Variants in ARID1A observed in about 807,000 individuals in gnomAD.
ARID1A encodes the protein AT-rich interaction domain 1A.
ARID1A carries 20 observed loss-of-function variants against 212.6 expected under a neutral mutation model. The ratio of observed to expected loss-of-function variants is 0.09; its 90% CI spans 0.07 to 0.14. The LOEUF (loss-of-function observed/expected upper bound fraction) is 0.14, where lower values mean the gene tolerates loss of function less well. Among genes scored for constraint, ARID1A ranks in the 10% least tolerant of loss-of-function variants. ARID1A has a pLI of 1.00. For synonymous variants in ARID1A, 1,376 were observed against 1,222.1 expected (o/e 1.13, Z -2.63); for missense variants, 2,587 against 3,059.0 (o/e 0.85, Z 3.64).
At position 26,779,515 on chromosome 1, in the gene ARID1A, C is replaced by G. The variant is rs1190429858; in HGVS notation, c.5617C>G (p.Pro1873Ala). 1.2e-6 allele frequency: 2 copies of G among 1,614,018 alleles called. No homozygotes were observed. The highest frequency in any genetic ancestry group is 1.7e-6 in the Non-Finnish European group (2 of 1,180,036). ...TELLPSRPHA[P>A]CPPAPRKHVT... ...GCTGCTGCCTTCCCGGCCTCACGCA[C>G]CCTGCCCACCAGCCCCTCGGAAGCA... The change falls in exon 20 of 20, where the codon CCC becomes GCC. Residue 1873 changes from proline (P) to alanine (A), a missense_variant. Coordinates refer to ENST00000324856, the MANE Select transcript of ARID1A (RefSeq NM_006015.6).
chr1:26,710,004 G>C (rs2080434886), intron 1 of ARID1A, among the ~76,000 whole-genome samples: 1 of 150,948 alleles, frequency 6.6e-6, no homozygotes, highest in Admixed American at 6.6e-5. Context: ...GCTAATTTTT[G>C]TATTTTTAGT....
chr1:26,703,351 C>T (rs776817003), intron 1 of ARID1A, among the ~76,000 whole-genome samples: 1 of 152,184 alleles, frequency 6.6e-6, no homozygotes, highest in Non-Finnish European at 1.5e-5. Context: ...AGCTGTCTGT[C>T]TGTGGTCCTC....
rs757461100 is a variant in ARID1A, at chr1:26,774,764, A to G, written c.4537A>G (p.Ser1513Gly). The change falls in exon 18 of 20, where the codon AGC (serine) becomes GGC (glycine). Residue 1513 changes from serine to glycine, a missense_variant. Transcript: ENST00000324856. This position sits in a 1 kb window ranked among gnomAD's most constrained non-coding sequence, Gnocchi z 5.6. ...DMTYNYANRQ[S>G]TGSAPQGPAY... ...GACCTATAATTATGCCAACAGGCAG[A>G]GCACGGGCTCTGCCCCCCAGGGCCC... 1.9e-6 allele frequency: 3 copies of G among 1,614,252 alleles called. No homozygotes were observed. The highest frequency in any genetic ancestry group is 2.5e-6 in the Non-Finnish European group (3 of 1,180,046).
Position 26,771,908 on chromosome 1 carries a change from T to C in ARID1A, c.3406+582T>C, listed in dbSNP as rs1333908913. On this transcript the variant is annotated intron_variant, in intron 12 of 19. Coordinates refer to ENST00000324856, the MANE Select transcript of ARID1A (RefSeq NM_006015.6). The surrounding 1 kb of genome is among the most constrained non-coding windows in gnomAD (Gnocchi z 5.4). ...GCCCTGGTGTTGACCTCTGAGGGTG[T>C]AATGAGTGCCTGAGATGACTCATCA... The C allele has an allele frequency of 2.4e-5, 4 of 163,352 alleles. No homozygotes were observed. Among genetic ancestry groups the C allele is most frequent in the African/African-American group, 9.6e-5 (4 of 41,524 alleles). The allele number at this position is 163,352 out of a possible 1,614,324, so 10.1% of individuals were successfully genotyped here.
intron 1 of ARID1A, among the ~76,000 whole-genome samples, chr1:26,699,783 C>T (rs2080314707): frequency 1.3e-5 from 2 of 152,218 alleles, no homozygotes; most frequent in South Asian, 4.1e-4. Context: ...GGTAGTAAGT[C>T]AGGGTTCATT....
intron 1 of ARID1A, among the ~76,000 whole-genome samples, chr1:26,711,006 C>T (rs758590836): frequency 5.3e-5 from 8 of 152,026 alleles, no homozygotes; most frequent in South Asian, 2.1e-4. Flanking sequence ...GCTGGCAGAT[C>T]GGGTTCTTGG....
chr1:26,721,125 C>T (rs1326888827), intron 1 of ARID1A, among the ~76,000 whole-genome samples: 1 of 152,070 alleles, frequency 6.6e-6, no homozygotes, highest in African/African-American at 2.4e-5. Context: ...AAGAAGGGGA[C>T]GTTTAATTTT....
At chr1:26,773,131 C>G in intron 14 of ARID1A, 144 bp downstream of exon 14, 2 of 1,283,788 alleles carry the variant, frequency 1.6e-6, no homozygotes, top group Non-Finnish European at 2.1e-6. Flanking sequence ...CCTCTTCATC[C>G]TTACCTCCTT....
chr1:26,708,931 G>A lies in ARID1A; in HGVS notation c.1137+11391G>A, dbSNP rs2080422044. Among the ~76,000 whole-genome samples, 10 of 151,950 alleles carry A rather than the reference G, an allele frequency of 6.6e-5. No homozygotes were observed. In the South Asian group the frequency reaches 1.9e-3, roughly 28 times the overall value. ...AGGATGGTCTCGGTCTGCTGATCTCGTGATCCGCCCGCTTCGGCCTCCCAA... is the reference window on the plus strand; with the variant it reads ...AGGATGGTCTCGGTCTGCTGATCTCATGATCCGCCCGCTTCGGCCTCCCAA... On this transcript the variant is annotated intron_variant, in intron 1 of 19. Transcript: ENST00000324856.
At chr1:26,763,403 A>C (rs1018492954) in intron 8 of ARID1A, 118 bp downstream of exon 8, 5 of 1,205,578 alleles carry the variant, frequency 4.1e-6, no homozygotes, top group Non-Finnish European at 5.7e-6. Flanking sequence ...GTGTGTATGA[A>C]GTGTTAATTC....
intron 8 of ARID1A, 146 bp from the exon 9 acceptor site, chr1:26,766,075 T>C (rs2081037017): frequency 1.2e-6 from 1 of 847,158 alleles, no homozygotes; most frequent in South Asian, 2.0e-5. Flanking sequence ...AATATCTGGA[T>C]GTTGCATAGT....
At position 26,779,376 on chromosome 1, in the gene ARID1A, C is replaced by T. The variant is rs2124139682; in HGVS notation, c.5478C>T (p.Asp1826=). The T allele has an allele frequency of 6.2e-7, 1 of 1,614,252 alleles. No individual in the cohort carries two copies. The stretch of plus-strand genomic sequence containing the variant: ...AGAAGAATGATCCATTTGTGGTGGA[C>T]TGCTCAGATAAGCTTGGGCGTGTGC... ...IVQKNDPFVV[D]CSDKLGRVQE... The change falls in exon 20 of 20, where the codon GAC becomes GAT. Residue 1826 remains aspartate, a synonymous_variant. Coordinates refer to ENST00000324856, the MANE Select transcript of ARID1A (RefSeq NM_006015.6).
chr1:26,767,339 T>C (rs2081048179), intron 10 of ARID1A, among the ~76,000 whole-genome samples: 1 of 152,172 alleles, frequency 6.6e-6, no homozygotes, highest in South Asian at 2.1e-4. Context: ...CTCAAGATCA[T>C]GTTGTGAGTT....
At chr1:26,720,911 C>T (rs1213283310) in intron 1 of ARID1A, among the ~76,000 whole-genome samples, 1 of 151,826 alleles carries the variant, frequency 6.6e-6, no homozygotes, top group Non-Finnish European at 1.5e-5. Flanking sequence ...GGCCCCCATC[C>T]CAGACCTGCT....
chr1:26,705,184 A>T (rs2124754574), intron 1 of ARID1A, among the ~76,000 whole-genome samples: 1 of 151,698 alleles, frequency 6.6e-6, no homozygotes, highest in South Asian at 2.1e-4. Flanking sequence ...TGTCACCCAG[A>T]CTGGAGTACA....
chr1:26,775,807 T>G, intron 19 of ARID1A, 100 bp downstream of exon 19: 6 of 1,551,540 alleles, frequency 3.9e-6, no homozygotes, highest in Non-Finnish European at 5.3e-6. Flanking sequence ...TTTCTCTTTC[T>G]CTCTTGTAGA....
intron 1 of ARID1A, among the ~76,000 whole-genome samples, chr1:26,699,760 A>G (rs771684689): frequency 1.3e-5 from 2 of 152,184 alleles, no homozygotes; most frequent in Non-Finnish European, 2.9e-5. Context: ...AACTATTAGA[A>G]TAAGTCATTT....
rs1265229755 is a variant in ARID1A at position 26,696,563 on chromosome 1, G to A, written c.160G>A (p.Ala54Thr). 3.3e-6 allele frequency: 4 copies of A among 1,229,026 alleles called. No individual in the cohort carries two copies. Among genetic ancestry groups the A allele is most frequent in the African/African-American group, 3.2e-5 (2 of 63,050 alleles). 76.1% of individuals were successfully genotyped at this position (1,229,026 alleles called of 1,614,324 possible). ...CGAGCGCGGGGAAATGAAGGCAGCC[G>A]CCGGGCAGGAAAGCGAGGGCCCCGC... Reference protein sequence around the residue: ...AAERGEMKAAAGQESEGPAVG... With the variant: ...AAERGEMKAATGQESEGPAVG... The change falls in exon 1 of 20, where the codon GCC (alanine) becomes ACC (threonine). Residue 54 changes from alanine (A) to threonine (T), a missense_variant. Physicochemically the swap from Ala to Thr is moderately conservative, Grantham distance 58 (BLOSUM62 0). This residue lies in a region of ARID1A where 735 missense variants were observed against 590.6 expected (regional missense o/e 1.24). Transcript: ENST00000324856.
chr1:26,743,785 C>CAA (rs777459329), intron 4 of ARID1A, among the ~76,000 whole-genome samples: 15 of 74,652 alleles, frequency 2.0e-4, no homozygotes, highest in South Asian at 4.1e-4. Context: ...TACTCCATCT[C>CAA]AAAAAAAAAA....
Sources: gnomAD v4.1 joint callset for allele counts (sites outside exome capture counted in the v4.1 genomes callset) on GRCh38, gnomAD v4.1.1 for gene constraint, gnomAD v4.1.1 regional missense constraint, Gnocchi (gnomAD v3.1) non-coding constraint, MANE v1.5 for transcripts, NCBI Gene and HGNC (gene_info 2026-07-23, HGNC 2026-07-21) for gene names.